Variants in WWOX observed in about 807,000 individuals in gnomAD.
The protein encoded by WWOX is WW domain-containing oxidoreductase.
In WWOX, 69 loss-of-function variants were observed where a neutral mutation model predicts 46.2. The ratio of observed to expected loss-of-function variants is 1.49; its 90% CI spans 1.23 to 1.82. WWOX has a LOEUF of 1.82. Among genes scored for constraint, WWOX ranks in the 40% most tolerant of loss-of-function variants. The pLI is 0.00. For synonymous variants in WWOX, 359 were observed against 202.6 expected (o/e 1.77, Z -6.56); for missense variants, 919 against 542.6 (o/e 1.69, Z -6.89).
intron 8 of WWOX, among the ~76,000 whole-genome samples, chr16:79,187,987 C>T (rs557886447): frequency 1.2e-4 from 19 of 152,324 alleles, no homozygotes; most frequent in South Asian, 8.3e-4. Flanking sequence ...ACTCTCTCTC[C>T]CATGCACGGG....
At chr16:78,392,958 A>G (rs1027808899) in intron 6 of WWOX, among the ~76,000 whole-genome samples, 5 of 152,064 alleles carry the variant, frequency 3.3e-5, no homozygotes, top group African/African-American at 1.2e-4. Context: ...TTCTCCTCAG[A>G]GTTAGCGGTA....
intron 5 of WWOX, among the ~76,000 whole-genome samples, chr16:78,341,847 G>C (rs2081021006): frequency 8.3e-6 from 1 of 120,902 alleles, no homozygotes; most frequent in African/African-American, 2.8e-5. Flanking sequence ...GGGCATGGTG[G>C]TGCACACCTG....
intron 8 of WWOX, among the ~76,000 whole-genome samples, chr16:78,578,555 T>C (rs1044585885): frequency 8.6e-5 from 13 of 152,034 alleles, no homozygotes; most frequent in African/African-American, 2.9e-4. Flanking sequence ...CCCAAAGTGC[T>C]GGGATTACAG....
chr16:78,241,359 G>T (rs924022495), intron 5 of WWOX: 35 of 152,180 alleles, frequency 2.3e-4, no homozygotes, highest in Non-Finnish European at 1.5e-4. Flanking sequence ...ATCAGAGCCT[G>T]CCTGCCTCAT....
chr16:78,594,411 G>T (rs933833812), intron 8 of WWOX, among the ~76,000 whole-genome samples: 1 of 128,836 alleles, frequency 7.8e-6, no homozygotes, highest in Non-Finnish European at 1.6e-5. Context: ...GAGTCTTGAC[G>T]AAGAAGACTG....
chr16:78,761,748 T>A (rs890467782), intron 8 of WWOX, among the ~76,000 whole-genome samples: 1 of 152,222 alleles, frequency 6.6e-6, no homozygotes, highest in African/African-American at 2.4e-5. Context: ...TCCCACATTC[T>A]TTTTTGGATT....
At chr16:78,605,320 C>G (rs1567430782) in intron 8 of WWOX, among the ~76,000 whole-genome samples, 1 of 151,174 alleles carries the variant, frequency 6.6e-6, no homozygotes, top group Non-Finnish European at 1.5e-5. Context: ...TCAGGCATGT[C>G]TTATATAATC....
chr16:79,154,500 T>C (rs1023460687), intron 8 of WWOX, among the ~76,000 whole-genome samples: 35 of 144,030 alleles, frequency 2.4e-4, no homozygotes, highest in African/African-American at 9.5e-4. Flanking sequence ...AAATCCTCTT[T>C]TGCAAAAAAA....
chr16:79,091,753 C>T (rs2048964191), intron 8 of WWOX, among the ~76,000 whole-genome samples: 3 of 151,506 alleles, frequency 2.0e-5, no homozygotes, highest in South Asian at 2.1e-4. Context: ...ACACACCCGA[C>T]CGCATCTTTT....
At chr16:78,815,077 C>G (rs996018428) in intron 8 of WWOX, among the ~76,000 whole-genome samples, 1 of 152,234 alleles carries the variant, frequency 6.6e-6, no homozygotes, top group Non-Finnish European at 1.5e-5. Flanking sequence ...GTAATCCCAA[C>G]ACTTCGGGAG....
intron 8 of WWOX, among the ~76,000 whole-genome samples, chr16:79,156,449 C>G (rs188671242): frequency 2.9e-4 from 44 of 152,324 alleles, no homozygotes; most frequent in Admixed American, 2.4e-3. Context: ...GCGTGAGCCA[C>G]CGCTCCCAGC....
chr16:78,824,187 A>C (rs1157821702), intron 8 of WWOX, among the ~76,000 whole-genome samples: 1 of 152,254 alleles, frequency 6.6e-6, no homozygotes, highest in Non-Finnish European at 1.5e-5. Flanking sequence ...GGTTAAAAAT[A>C]ACTCTCATTT....
intron 8 of WWOX, among the ~76,000 whole-genome samples, chr16:78,615,813 C>T (rs1195680912): frequency 6.6e-6 from 1 of 151,268 alleles, no homozygotes; most frequent in African/African-American, 2.4e-5. Flanking sequence ...TGCAGTGGCA[C>T]AGTCTCCGCT....
At chr16:78,948,728 TCTC>T (rs1295590907) in intron 8 of WWOX, among the ~76,000 whole-genome samples, 1 of 152,080 alleles carries the variant, frequency 6.6e-6, no homozygotes, top group East Asian at 1.9e-4. Context: ...GCCCTCGACA[TCTC>T]CTCTGTTGGC....
intron 8 of WWOX, among the ~76,000 whole-genome samples, chr16:78,941,110 C>T (rs13332148): frequency 0.22 from 33,491 of 151,964 alleles, 3,953 homozygotes; most frequent in African/African-American, 0.29. Context: ...AAAGAATCCT[C>T]TTCTAGAAAG....
intron 5 of WWOX, among the ~76,000 whole-genome samples, chr16:78,331,190 A>G (rs990419037): frequency 2.6e-5 from 4 of 152,254 alleles, no homozygotes; most frequent in Non-Finnish European, 5.9e-5. Context: ...CAACTAAAAT[A>G]TTCATTTGCA....
At chr16:78,686,375 G>A (rs866936195) in intron 8 of WWOX, among the ~76,000 whole-genome samples, 2 of 152,172 alleles carry the variant, frequency 1.3e-5, no homozygotes, top group South Asian at 4.1e-4. Context: ...GCCAGGCGTG[G>A]TGGCGGGCGC....
chr16:78,422,114 G>A (rs771135109), intron 6 of WWOX, among the ~76,000 whole-genome samples: 15 of 152,062 alleles, frequency 9.9e-5, no homozygotes, highest in African/African-American at 1.4e-4. Flanking sequence ...AATTTCTAAT[G>A]TCTGCCACTG....
chr16:78,726,087 T>TC (rs2048825922), intron 8 of WWOX, among the ~76,000 whole-genome samples: 1 of 113,126 alleles, frequency 8.8e-6, no homozygotes, highest in Non-Finnish European at 1.9e-5. Flanking sequence ...CCCTCCCTCT[T>TC]CCTCCCTCCC....
Sources: gnomAD v4.1 joint callset for allele counts (sites outside exome capture counted in the v4.1 genomes callset) on GRCh38, gnomAD v4.1.1 for gene constraint, MANE v1.5 for transcripts, NCBI Gene and HGNC (gene_info 2026-07-23, HGNC 2026-07-21) for gene names.